The following ADAMTSL1 variants were observed in gnomAD, a reference collection of about 807,000 sequenced individuals.
ADAMTSL1 encodes ADAMTS like 1.
A neutral mutation model predicts 201.8 loss-of-function variants in ADAMTSL1; 126 were observed. The ratio of observed to expected loss-of-function variants is 0.62; its 90% CI spans 0.54 to 0.72. ADAMTSL1 has a LOEUF of 0.72. ADAMTSL1 is among the 30% of genes least tolerant of loss of function. The pLI is 0.00. For synonymous variants in ADAMTSL1, 1,121 were observed against 903.4 expected, an observed-to-expected ratio of 1.24 and a Z score of -4.32; for missense variants, 2,679 against 2,277.8, an observed-to-expected ratio of 1.18 and a Z score of -3.59.
At chr9:18,483,146 ATC>A (rs1255083271) in intron 1 of ADAMTSL1, among the ~76,000 whole-genome samples, 7 of 152,328 alleles carry the variant, frequency 4.6e-5, no homozygotes, top group African/African-American at 1.7e-4. Context: ...TGTCCTGAAT[ATC>A]TTTGTATCTC....
chr9:18,611,289 T>C (rs1825346365), intron 4 of ADAMTSL1, among the ~76,000 whole-genome samples: 1 of 152,048 alleles, frequency 6.6e-6, no homozygotes, highest in African/African-American at 2.4e-5. Context: ...AGGCCAGAGG[T>C]CAGGCCTTTG....
At chr9:18,906,951 A>G in intron 28 of ADAMTSL1, 39 bp downstream of exon 28, 2 of 1,608,284 alleles carry the variant, frequency 1.2e-6, no homozygotes, top group Middle Eastern at 1.7e-4. Flanking sequence ...CAAATTCCCC[A>G]TAGAGCATCG....
chr9:18,233,466 C>G (rs1830719722), intron 2 of ADAMTSL1, among the ~76,000 whole-genome samples: 1 of 152,040 alleles, frequency 6.6e-6, no homozygotes, highest in Non-Finnish European at 1.5e-5. Flanking sequence ...TCACAAGAAT[C>G]AAAAGATAGC....
intron 9 of ADAMTSL1, among the ~76,000 whole-genome samples, chr9:18,665,391 T>A (rs538519880): frequency 6.6e-6 from 1 of 152,218 alleles, no homozygotes; most frequent in African/African-American, 2.4e-5. Flanking sequence ...TTTTACACAA[T>A]ATAAAGCCTC....
chr9:18,424,274 T>G (rs12554111), intron 2 of ADAMTSL1, among the ~76,000 whole-genome samples: 35,771 of 152,082 alleles, frequency 0.24, 4,459 homozygotes, highest in East Asian at 0.44. Flanking sequence ...AAACAATTAA[T>G]TGCCCTGTTG....
In ADAMTSL1 at chr9:18,721,515, G is replaced by T. The variant is rs1427493498; in HGVS notation, c.1877-21G>T. The T allele has an allele frequency of 2.5e-6, 4 of 1,612,788 alleles. No homozygotes were observed. The African/African-American group carries it at 5.3e-5, about 22-fold the overall frequency. On this transcript the variant is annotated intron_variant, in intron 14 of 28. Transcript: ENST00000380548. The stretch of plus-strand genomic sequence containing the variant: ...ACACACCCACTTTGCACTCTGGCCT[G>T]ACCGTGTGATTTGTACACAGGTGTC...
At chr9:18,457,747 A>T (rs1340042) in intron 2 of ADAMTSL1, among the ~76,000 whole-genome samples, 2 of 152,094 alleles carry the variant, frequency 1.3e-5, no homozygotes, top group East Asian at 3.9e-4. Context: ...GCTGAGGAGG[A>T]AAGAGGAGTT....
intron 22 of ADAMTSL1, among the ~76,000 whole-genome samples, chr9:18,827,628 C>A (rs1046351708): frequency 1.3e-5 from 2 of 152,150 alleles, no homozygotes; most frequent in African/African-American, 4.8e-5. Flanking sequence ...ACGGTGCTTA[C>A]CAATGAGATT....
chr9:18,659,120 A>G (rs968313969), intron 8 of ADAMTSL1, among the ~76,000 whole-genome samples: 1 of 152,260 alleles, frequency 6.6e-6, no homozygotes, highest in African/African-American at 2.4e-5. Flanking sequence ...GTTTCATAGA[A>G]GCCAGTTAAT....
At chr9:18,003,111 G>T (rs1205898633) in intron 1 of ADAMTSL1, among the ~76,000 whole-genome samples, 1 of 151,938 alleles carries the variant, frequency 6.6e-6, no homozygotes, top group Non-Finnish European at 1.5e-5. Flanking sequence ...GGATTTGAGG[G>T]AGCAGAGGCT....
At chr9:17,956,413 G>T (rs918035925) in intron 1 of ADAMTSL1, among the ~76,000 whole-genome samples, 2 of 152,174 alleles carry the variant, frequency 1.3e-5, no homozygotes, top group African/African-American at 4.8e-5. Flanking sequence ...TGTTGGCAGT[G>T]TCCTCTTCTT....
intron 2 of ADAMTSL1, among the ~76,000 whole-genome samples, chr9:18,265,866 A>G (rs10963541): frequency 0.33 from 50,924 of 152,132 alleles, 10,357 homozygotes; most frequent in South Asian, 0.46. Flanking sequence ...CACAGGATCA[A>G]TGATGTTACC....
chr9:17,913,499 A>G (rs1825971075), intron 1 of ADAMTSL1, among the ~76,000 whole-genome samples: 1 of 152,192 alleles, frequency 6.6e-6, no homozygotes, highest in Admixed American at 6.5e-5. Context: ...ACATACCAGA[A>G]TCTCTGGGAC....
At chr9:18,537,138 T>G (rs1196676760) in intron 3 of ADAMTSL1, among the ~76,000 whole-genome samples, 1 of 152,196 alleles carries the variant, frequency 6.6e-6, no homozygotes, top group Non-Finnish European at 1.5e-5. Flanking sequence ...TGGGGTTCAT[T>G]GTTAAATAAA....
chr9:18,099,355 A>ATATATATTTTTT (rs1239180390), intron 1 of ADAMTSL1, among the ~76,000 whole-genome samples: 1 of 45,560 alleles, frequency 2.2e-5, no homozygotes, highest in Non-Finnish European at 4.1e-5. Context: ...ATATATATAT[A>ATATATATTTTTT]TTTTTTTTTT....
chr9:18,099,880 C>T (rs984489353), intron 1 of ADAMTSL1, among the ~76,000 whole-genome samples: 11 of 152,090 alleles, frequency 7.2e-5, no homozygotes, highest in Non-Finnish European at 1.2e-4. Context: ...CCCACCTCAG[C>T]CTCCCAAAGT....
intron 2 of ADAMTSL1, among the ~76,000 whole-genome samples, chr9:18,218,183 G>A (rs1288263844): frequency 1.3e-5 from 2 of 152,130 alleles, no homozygotes; most frequent in African/African-American, 4.8e-5. Context: ...CGTAGCTGAA[G>A]ATCCAAATAT....
At chr9:18,158,024 A>G (rs1827230668) in intron 1 of ADAMTSL1, among the ~76,000 whole-genome samples, 1 of 152,030 alleles carries the variant, frequency 6.6e-6, no homozygotes, top group East Asian at 1.9e-4. Context: ...ATACTCACAG[A>G]GGTAAACAGA....
chr9:18,291,405 A>G (rs895781928), intron 2 of ADAMTSL1, among the ~76,000 whole-genome samples: 19 of 152,276 alleles, frequency 1.2e-4, no homozygotes, highest in African/African-American at 2.2e-4. Flanking sequence ...CATTCACTCC[A>G]TAAATCCTAG....
Sources: allele counts gnomAD v4.1 joint callset (sites outside exome capture counted in the v4.1 genomes callset), GRCh38; gene constraint gnomAD v4.1.1; transcripts MANE v1.5; gene names NCBI Gene and HGNC (gene_info 2026-07-23, HGNC 2026-07-21).